Variants in ROR2 observed in about 807,000 individuals in gnomAD.
ROR2 encodes tyrosine-protein kinase transmembrane receptor ROR2.
A neutral mutation model predicts 74.9 loss-of-function variants in ROR2; 33 were observed. The observed-to-expected ratio is 0.44, with a 90% CI of 0.33 to 0.59. The LOEUF (loss-of-function observed/expected upper bound fraction) is 0.59. Among genes scored for constraint, ROR2 ranks in the 20% least tolerant of loss-of-function variants. The pLI, the probability that ROR2 is intolerant of heterozygous loss-of-function variation, is 0.02. For synonymous variants in ROR2, 586 were observed against 558.7 expected, an observed-to-expected ratio of 1.05 and a Z score of -0.69; for missense variants, 1,216 against 1,313.8, an observed-to-expected ratio of 0.93 and a Z score of 1.15.
chr9:91,860,442 G>A (rs1452250054), intron 1 of ROR2, among the ~76,000 whole-genome samples: 1 of 152,190 alleles, frequency 6.6e-6, no homozygotes, highest in East Asian at 1.9e-4. Context: ...GTCAGAGTTG[G>A]CCAGAGAGAC....
At chr9:91,915,912 G>C (rs937116555) in intron 1 of ROR2, among the ~76,000 whole-genome samples, 3 of 152,074 alleles carry the variant, frequency 2.0e-5, no homozygotes, top group African/African-American at 7.2e-5. Context: ...TCCTCACCCC[G>C]CCCAGAAATC....
intron 2 of ROR2, among the ~76,000 whole-genome samples, chr9:91,771,712 CCTCTCTCTCTT>C (rs1015938993): frequency 4.8e-5 from 7 of 146,556 alleles, no homozygotes; most frequent in East Asian, 4.1e-4. Flanking sequence ...CTCTCTCTCT[CCTCTCTCTCTT>C]CTCTCTCTCT....
intron 1 of ROR2, among the ~76,000 whole-genome samples, chr9:91,791,716 A>G (rs1189867903): frequency 6.6e-6 from 1 of 152,120 alleles, no homozygotes; most frequent in Non-Finnish European, 1.5e-5. Flanking sequence ...GACTTGAACA[A>G]CATTATAAAC....
chr9:91,744,182 G>A (rs183133130), intron 4 of ROR2, among the ~76,000 whole-genome samples: 160 of 146,996 alleles, frequency 1.1e-3, no homozygotes, highest in African/African-American at 3.6e-3. Context: ...GGGACCTGGC[G>A]CACAGTTGAC....
intron 2 of ROR2, 131 bp from the exon 3 acceptor site, chr9:91,757,690 T>C (rs1825804229): frequency 1.1e-6 from 1 of 925,862 alleles, no homozygotes; most frequent in Non-Finnish European, 1.7e-6. Flanking sequence ...TAGGTTGTTA[T>C]CTGCGGTAAT....
intron 1 of ROR2, among the ~76,000 whole-genome samples, chr9:91,823,772 C>T (rs1199845543): frequency 1.3e-5 from 2 of 152,174 alleles, no homozygotes; most frequent in East Asian, 3.8e-4. Context: ...AATAAGGAGG[C>T]CCACATTCCC....
chr9:91,815,334 C>A (rs888158608), intron 1 of ROR2, among the ~76,000 whole-genome samples: 1 of 152,064 alleles, frequency 6.6e-6, no homozygotes, highest in South Asian at 2.1e-4. Context: ...TATTACAGAG[C>A]GGTATAGCTT....
At chr9:91,746,936 G>A (rs901215044) in intron 4 of ROR2, among the ~76,000 whole-genome samples, 2 of 152,018 alleles carry the variant, frequency 1.3e-5, no homozygotes, top group Non-Finnish European at 2.9e-5. Context: ...GTGGGTCCAG[G>A]ACAGCAACAC....
intron 5 of ROR2, among the ~76,000 whole-genome samples, chr9:91,734,552 T>C (rs571520374): frequency 6.6e-6 from 1 of 152,268 alleles, no homozygotes; most frequent in Middle Eastern, 3.4e-3. Context: ...TGTGCCAGGT[T>C]TGGCCAGCAG....
chr9:91,907,295 G>T (rs1830845474), intron 1 of ROR2, among the ~76,000 whole-genome samples: 1 of 152,028 alleles, frequency 6.6e-6, no homozygotes, highest in South Asian at 2.1e-4. Flanking sequence ...TTAACAGGCA[G>T]GACAGTGCTG....
chr9:91,935,831 G>A (rs959082595), intron 1 of ROR2, among the ~76,000 whole-genome samples: 20 of 152,262 alleles, frequency 1.3e-4, no homozygotes, highest in Non-Finnish European at 2.6e-4. Flanking sequence ...GGAGGTGATG[G>A]AGACAGATGG....
intron 4 of ROR2, among the ~76,000 whole-genome samples, chr9:91,739,513 TAAAAAAAAAAAA>T (rs71362359): frequency 1.9e-5 from 2 of 105,604 alleles, no homozygotes; most frequent in Non-Finnish European, 3.8e-5. Context: ...TCTTTAAATT[TAAAAAAAAAAAA>T]AAAAAAAAAA....
intron 4 of ROR2, among the ~76,000 whole-genome samples, chr9:91,755,025 C>T (rs959083244): frequency 6.6e-6 from 1 of 152,120 alleles, no homozygotes; most frequent in Non-Finnish European, 1.5e-5. Flanking sequence ...TGTGGTGGCA[C>T]GCACCTGCAG....
chr9:91,764,304 T>C (rs1432872004), intron 2 of ROR2, among the ~76,000 whole-genome samples: 1 of 152,236 alleles, frequency 6.6e-6, no homozygotes, highest in East Asian at 1.9e-4. Context: ...GTATTAGATA[T>C]AACTCTTATA....
chr9:91,869,738 G>A (rs1451856398), intron 1 of ROR2, among the ~76,000 whole-genome samples: 1 of 152,084 alleles, frequency 6.6e-6, no homozygotes, highest in African/African-American at 2.4e-5. Context: ...TTTTAGCAGT[G>A]GCTATACAAA....
rs566217248 is a variant in ROR2 at position 91,871,883 on chromosome 9, C to T, written c.97+77984G>A. Among the ~76,000 whole-genome samples, 77 of 152,286 alleles carry T rather than the reference C, an allele frequency of 5.1e-4. No homozygotes were observed. The South Asian group carries it at 8.1e-3, about 16-fold the overall frequency. On this transcript the variant is annotated intron_variant, in intron 1 of 8. Transcript: ENST00000375708. ...GCACCACCAACCAGCCATGTCAGTG[C>T]GCCATCTTCATGTCTGGCCCAGTTG...
rs118068906 is a variant in ROR2, at chr9:91,918,112, A to C, written c.97+31755T>G. ...AGGTGAAACCCCGTCTCTACTAAAT[A>C]TAAAAATCAGCTGTGCGTGGTGGCA... On this transcript the variant is annotated intron_variant, in intron 1 of 8. Transcript: ENST00000375708. 2.0e-3 allele frequency among the ~76,000 whole-genome samples: 311 copies of C among 152,258 alleles called. 2 individuals are homozygous for C. The highest frequency in any genetic ancestry group is 1.9e-3 in the Non-Finnish European group (127 of 68,010).
chr9:91,857,647 A>T (rs1359751298), intron 1 of ROR2, among the ~76,000 whole-genome samples: 1 of 152,070 alleles, frequency 6.6e-6, no homozygotes, highest in Admixed American at 6.5e-5. Flanking sequence ...AGGGGGTGGC[A>T]AGCCCGGAGG....
chr9:91,918,469 C>CAAA (rs1831191846), intron 1 of ROR2, among the ~76,000 whole-genome samples: 2 of 152,112 alleles, frequency 1.3e-5, no homozygotes, highest in Non-Finnish European at 2.9e-5. Flanking sequence ...TGCTAGCTTT[C>CAAA]AGAGGAGGGC....
Sources: gnomAD v4.1 joint callset for allele counts (sites outside exome capture counted in the v4.1 genomes callset) on GRCh38, gnomAD v4.1.1 for gene constraint, MANE v1.5 for transcripts, NCBI Gene and HGNC (gene_info 2026-07-23, HGNC 2026-07-21) for gene names.